The following POLD1 variants were observed in gnomAD, a reference collection of about 807,000 sequenced individuals.
POLD1 encodes the protein DNA polymerase delta catalytic subunit.
POLD1 carries 79 observed loss-of-function variants against 129.7 expected under a neutral mutation model. The ratio of observed to expected loss-of-function variants is 0.61; its 90% CI spans 0.51 to 0.73. The LOEUF (loss-of-function observed/expected upper bound fraction) is 0.73, where lower values mean the gene tolerates loss of function less well. Among genes scored for constraint, POLD1 ranks in the 30% least tolerant of loss-of-function variants. The probability of loss-of-function intolerance (pLI) is 0.00; values close to 1 mark genes in which losing one functional copy is unlikely to be tolerated. For synonymous variants in POLD1, 714 were observed against 683.3 expected, an observed-to-expected ratio of 1.04 and a Z score of -0.70; for missense variants, 1,338 against 1,595.8, an observed-to-expected ratio of 0.84 and a Z score of 2.75.
chr19:50,401,810 C>T lies in POLD1; in HGVS notation c.349C>T (p.Pro117Ser). ...PAQPVPGGPP[P>S]SRGSVPVLRA... is the part of the protein sequence containing the mutation. The stretch of plus-strand genomic sequence containing the variant: ...GCAGCCTGTGCCTGGGGGGCCCCCA[C>T]CATCCCGCGGCTCCGTGCCTGTGCT... The change falls in exon 4 of 27, where the codon CCA becomes TCA. Residue 117 changes from proline to serine, a missense_variant. Coordinates refer to ENST00000440232, the MANE Select transcript of POLD1 (RefSeq NM_002691.4). The T allele has an allele frequency of 6.2e-7, 1 of 1,613,414 alleles. No individual in the cohort carries two copies. Among genetic ancestry groups the T allele is most frequent in the East Asian group, 2.2e-5 (1 of 44,864 alleles).
rs1057522351 is a variant in POLD1 at position 50,402,469 on chromosome 19, G to A, written c.774G>A (p.Thr258=). 5.6e-6 allele frequency: 9 copies of A among 1,612,570 alleles called. No individual in the cohort carries two copies. The highest frequency in any genetic ancestry group is 1.1e-5 in the South Asian group (1 of 90,756). Residue 258 remains threonine, a synonymous_variant, in exon 7 of 27, where the codon ACG becomes ACA. Transcript: ENST00000440232. ...VDFEIRFMVD[T]DIVGCNWLEL... ...CCCCCTCCAGGTTCATGGTGGACAC[G>A]GACATCGTCGGCTGCAACTGGCTGG... is the stretch of plus-strand genomic sequence containing the variant.
At position 50,415,756 on chromosome 19, in the gene POLD1, G is replaced by C; in HGVS notation, c.2750G>C (p.Ser917Thr). Residue 917 changes from serine to threonine, a missense_variant, in exon 22 of 27, where the codon AGC becomes ACC. Transcript: ENST00000440232. ...AAGCGGGACCCCGGGAGTGCGCCCA[G>C]CCTGGGCGACCGCGTCCCCTACGTG... Reference protein sequence around the residue: ...MRKRDPGSAPSLGDRVPYVII... With the variant: ...MRKRDPGSAPTLGDRVPYVII... The C allele has an allele frequency of 1.4e-6, 2 of 1,403,290 alleles. No homozygotes were observed. The highest frequency in any genetic ancestry group is 1.9e-6 in the Non-Finnish European group (2 of 1,055,914). The allele number at this position is 1,403,290 out of a possible 1,614,324, so 86.9% of individuals were successfully genotyped here.
At chr19:50,414,271 G>A (rs758568486) in intron 19 of POLD1, among the ~76,000 whole-genome samples, 1 of 152,250 alleles carries the variant, frequency 6.6e-6, no homozygotes, top group Non-Finnish European at 1.5e-5. Context: ...TTCTTTTGAA[G>A]AGTCTGGGTC....
At chr19:50,405,341 T>A (rs1456385052) in intron 10 of POLD1, among the ~76,000 whole-genome samples, 2 of 152,242 alleles carry the variant, frequency 1.3e-5, no homozygotes, top group Non-Finnish European at 2.9e-5. Flanking sequence ...GGGTTAGGGC[T>A]TCAACATCTT....
chr19:50,401,654 A>G, intron 3 of POLD1, 124 bp from the exon 4 acceptor site: 1 of 1,032,870 alleles, frequency 9.7e-7, no homozygotes, highest in East Asian at 2.4e-5. Context: ...TGAAATGGAC[A>G]CAGGGAACGG....
rs374533728 is a variant in POLD1 at position 50,415,453 on chromosome 19, G to A, written c.2580G>A (p.Ala860=). Residue 860 remains alanine, a synonymous_variant, in exon 21 of 27, where the codon GCG becomes GCA. Transcript: ENST00000440232. ...RLLIDRDPEG[A]VAHAQDVISD... ...TCTCCTACAGAGACCCTGAGGGCGC[G>A]GTGGCTCACGCACAGGACGTCATCT... 3.0e-5 allele frequency: 48 copies of A among 1,612,708 alleles called. No homozygotes were observed. Among genetic ancestry groups the A allele is most frequent in the East Asian group, 1.8e-4 (8 of 44,856 alleles).
chr19:50,417,876 G>A lies in POLD1; in HGVS notation c.3253G>A (p.Val1085Met), dbSNP rs2039393865. The A allele has an allele frequency of 6.2e-7, 1 of 1,610,988 alleles. No homozygotes were observed. ...DCPIFYMRKK[V>M]RKDLEDQEQL... is the part of the protein sequence containing the mutation. The stretch of plus-strand genomic sequence containing the variant: ...CCCCATCTTCTACATGCGCAAGAAG[G>A]TGCGGAAGGACCTGGAAGACCAGGA... The change falls in exon 27 of 27, where the codon GTG (valine) becomes ATG (methionine). Residue 1085 changes from valine (V) to methionine (M), a missense_variant. By Grantham distance (21) the Val-to-Met change is conservative. Around this residue, in one of 3 missense-constraint regions of POLD1, gnomAD observed 286 missense variants for 277.5 expected, o/e 1.03. Coordinates refer to ENST00000440232, the MANE Select transcript of POLD1 (RefSeq NM_002691.4).
intron 17 of POLD1, among the ~76,000 whole-genome samples, chr19:50,412,802 G>GT: frequency 1.3e-5 from 2 of 152,100 alleles, no homozygotes; most frequent in Admixed American, 1.3e-4. Context: ...TAGAGATGGT[G>GT]TTTCACCATG....
chr19:50,399,564 C>T, intron 3 of POLD1, 80 bp downstream of exon 3: 1 of 1,071,362 alleles, frequency 9.3e-7, no homozygotes, highest in Non-Finnish European at 1.4e-6. Flanking sequence ...CCCTCTGGCC[C>T]TGTGCTCCTG....
chr19:50,403,416 G>C lies in POLD1; in HGVS notation c.1138-77G>C, dbSNP rs79227748. 2.1e-5 allele frequency: 27 copies of C among 1,271,766 alleles called. No individual in the cohort carries two copies. The East Asian group carries it at 6.2e-4, about 29-fold the overall frequency. The allele number at this position is 1,271,766 out of a possible 1,614,324, so 78.8% of individuals were successfully genotyped here. On this transcript the variant is annotated intron_variant, in intron 9 of 26. Transcript: ENST00000440232. ...TGCAGGATTTTCAGGGGTGGCTGGGGTTCTAGAACATTCTGGAAGTAGGGG... is the reference window on the plus strand; with the variant it reads ...TGCAGGATTTTCAGGGGTGGCTGGGCTTCTAGAACATTCTGGAAGTAGGGG...
intron 1 of POLD1, among the ~76,000 whole-genome samples, chr19:50,388,004 A>C (rs560818915): frequency 2.6e-5 from 4 of 152,360 alleles, no homozygotes; most frequent in African/African-American, 9.6e-5. Flanking sequence ...AAAAAGGGAC[A>C]CAGCACTGAC....
chr19:50,402,809 T>G (rs1601203323), intron 8 of POLD1, 68 bp downstream of exon 8: 1 of 1,535,350 alleles, frequency 6.5e-7, no homozygotes, highest in Non-Finnish European at 8.8e-7. Flanking sequence ...GAAAGGCAGG[T>G]CCGGTGGAGG....
chr19:50,415,001 C>T lies in POLD1; in HGVS notation c.2564+11C>T, dbSNP rs2122468545. 1.3e-6 allele frequency: 2 copies of T among 1,543,670 alleles called. No homozygotes were observed. The highest frequency in any genetic ancestry group is 8.8e-7 in the Non-Finnish European group (1 of 1,142,504). On this transcript the variant is annotated intron_variant, in intron 20 of 26. Transcript: ENST00000440232. Reference sequence around the variant, plus strand: ...CCTGCTCATCGACCGGTGTGTGGGGCCTCCTCCCTCAGACTCAGGGGGCTG... The same window carrying T: ...CCTGCTCATCGACCGGTGTGTGGGGTCTCCTCCCTCAGACTCAGGGGGCTG...
rs2122496486 is a variant in POLD1 at position 50,416,648 on chromosome 19, A to G, written c.2992A>G (p.Lys998Glu). The change falls in exon 24 of 27, where the codon AAG becomes GAG. Residue 998 changes from lysine (K) to glutamate (E), a missense_variant. Physicochemically the swap from Lys to Glu is moderately conservative, Grantham distance 56 (BLOSUM62 1). Around this residue, in one of 3 missense-constraint regions of POLD1, gnomAD observed 286 missense variants for 277.5 expected, o/e 1.03. Transcript: ENST00000440232. ...HTRCKTVLTGKVGGLLAFAKR... is the reference protein window; with the variant it reads ...HTRCKTVLTGEVGGLLAFAKR... ...GCGCTGCAAGACGGTGCTCACGGGC[A>G]AGGTGGGCGGCCTCCTGGCCTTCGC... is the stretch of plus-strand genomic sequence containing the variant. The G allele has an allele frequency of 6.4e-7, 1 of 1,565,288 alleles. No individual in the cohort carries two copies. The highest frequency in any genetic ancestry group is 1.9e-5 in the Admixed American group (1 of 53,728).
chr19:50,409,037 C>T lies in POLD1; in HGVS notation c.1893-85C>T. The stretch of plus-strand genomic sequence containing the variant: ...GGGGTGCTTGAGGGGCCTGCGTGTG[C>T]TCATGGCCAAGGCCAGGACCGTAGG... On this transcript the variant is annotated intron_variant, in intron 15 of 26. Coordinates refer to ENST00000440232, the MANE Select transcript of POLD1 (RefSeq NM_002691.4). This position sits in a 1 kb window ranked among gnomAD's most constrained non-coding sequence, Gnocchi z 5.8. The T allele has an allele frequency of 7.5e-7, 1 of 1,331,920 alleles. No homozygotes were observed. Among genetic ancestry groups the T allele is most frequent in the East Asian group, 2.3e-5 (1 of 43,310 alleles). The allele number at this position is 1,331,920 out of a possible 1,614,324, so 82.5% of individuals were successfully genotyped here. A position where few individuals can be genotyped will look rare whatever the true frequency, so the allele number is the denominator to read the frequency against.
At chr19:50,416,880 C>T (rs1011277329) in intron 24 of POLD1, 157 bp downstream of exon 24, 6 of 975,604 alleles carry the variant, frequency 6.2e-6, no homozygotes, top group Non-Finnish European at 7.4e-6. Context: ...AGAGGGTCCT[C>T]GGCCCCCACC....
rs373016916 is a variant in POLD1 at position 50,413,780 on chromosome 19, C to T, written c.2289C>T (p.Phe763=). 12 of 1,611,498 alleles carry T rather than the reference C, an allele frequency of 7.4e-6. No homozygotes were observed. In the East Asian group the frequency reaches 8.9e-5, roughly 12 times the overall value. The change falls in exon 19 of 27, where the codon TTC becomes TTT. Residue 763 remains phenylalanine, a synonymous_variant. Coordinates refer to ENST00000440232, the MANE Select transcript of POLD1 (RefSeq NM_002691.4). ...ACACTGACTCCGTCATGTGCCGATT[C>T]GGCGTGTCCTCGGTGGCTGAGGCGA... ...YGDTDSVMCR[F]GVSSVAEAMA...
intron 17 of POLD1, among the ~76,000 whole-genome samples, chr19:50,410,627 G>T (rs1028996953): frequency 2.6e-5 from 4 of 152,290 alleles, no homozygotes; most frequent in Non-Finnish European, 4.4e-5. Context: ...ACAGGGCAGG[G>T]TATAGGAGGG....
In POLD1 at chr19:50,410,067, CCT is replaced by C. The variant is rs376777018; in HGVS notation, c.2154+405_2154+406del. ...GTGATGGGGCTGGGCGGGACTCACC[CCT>C]CTCAATAGGCGACGCTCACACAGAG... On this transcript the variant is annotated intron_variant, in intron 17 of 26. Coordinates refer to ENST00000440232, the MANE Select transcript of POLD1 (RefSeq NM_002691.4). 7.9e-4 allele frequency among the ~76,000 whole-genome samples: 120 copies of C among 152,274 alleles called. No homozygotes were observed. In the South Asian group the frequency reaches 0.013, roughly 16 times the overall value.
Sources: gnomAD v4.1 joint callset for allele counts (sites outside exome capture counted in the v4.1 genomes callset) on GRCh38, gnomAD v4.1.1 for gene constraint, gnomAD v4.1.1 regional missense constraint, Gnocchi (gnomAD v3.1) non-coding constraint, MANE v1.5 for transcripts, NCBI Gene and HGNC (gene_info 2026-07-23, HGNC 2026-07-21) for gene names.